The following GRM1 variants were observed in gnomAD, a reference collection of about 807,000 sequenced individuals.
GRM1 encodes the protein metabotropic glutamate receptor 1.
Under a neutral mutation model 90.9 loss-of-function variants are expected in GRM1, and 33 were observed. The ratio of observed to expected loss-of-function variants is 0.36; its 90% CI spans 0.28 to 0.49. GRM1 has a LOEUF of 0.49. Ranked by LOEUF, GRM1 falls within the 20% of genes least tolerant of loss-of-function variation. The pLI, the probability that GRM1 is intolerant of heterozygous loss-of-function variation, is 0.99. For synonymous variants in GRM1, 700 were observed against 613.2 expected, an observed-to-expected ratio of 1.14 and a Z score of -2.09; for missense variants, 1,190 against 1,534.3, an observed-to-expected ratio of 0.78 and a Z score of 3.75.
chr6:146,359,486 G>GT (rs1434622681), intron 5 of GRM1, among the ~76,000 whole-genome samples: 1 of 152,170 alleles, frequency 6.6e-6, no homozygotes, highest in Non-Finnish European at 1.5e-5. Context: ...CTGGGAAACA[G>GT]TTTTTGGAAC....
chr6:146,234,669 C>T (rs1288664662), intron 2 of GRM1, among the ~76,000 whole-genome samples: 1 of 151,844 alleles, frequency 6.6e-6, no homozygotes, highest in Admixed American at 6.6e-5. Context: ...AAATTCATTG[C>T]AACTATGTTT....
chr6:146,196,864 A>G (rs1205063983), intron 2 of GRM1, among the ~76,000 whole-genome samples: 2 of 152,190 alleles, frequency 1.3e-5, no homozygotes, highest in Non-Finnish European at 2.9e-5. Context: ...TCAATCAATC[A>G]TTTGTTAAGA....
chr6:146,356,086 G>C (rs538683876), intron 4 of GRM1, among the ~76,000 whole-genome samples: 1 of 152,282 alleles, frequency 6.6e-6, no homozygotes, highest in Non-Finnish European at 1.5e-5. Context: ...AAGAATGCCA[G>C]AGTTCCCATG....
Position 146,352,375 on chromosome 6 carries a change from C to T in GRM1, c.1312C>T (p.Leu438Phe). Reference protein sequence around the residue: ...HHALCPGHVGLCDAMKPIDGS... With the variant: ...HHALCPGHVGFCDAMKPIDGS... ...TGCCCTCTGCCCTGGCCACGTGGGC[C>T]TCTGCGATGCCATGAAGCCCATCGA... is the stretch of plus-strand genomic sequence containing the variant. Residue 438 changes from leucine (L) to phenylalanine (F), a missense_variant, in exon 4 of 8, where the codon CTC becomes TTC. Leu to Phe is a conservative substitution (Grantham distance 22). Transcript: ENST00000282753. The T allele has an allele frequency of 6.2e-7, 1 of 1,614,100 alleles. No homozygotes were observed. The highest frequency in any genetic ancestry group is 8.5e-7 in the Non-Finnish European group (1 of 1,179,932).
chr6:146,148,928 G>C (rs1777213794), intron 1 of GRM1, among the ~76,000 whole-genome samples: 1 of 152,174 alleles, frequency 6.6e-6, no homozygotes, highest in South Asian at 2.1e-4. Flanking sequence ...GGACAGGTGA[G>C]ATAGAATTGC....
chr6:146,071,273 C>A (rs1776009424), intron 1 of GRM1, among the ~76,000 whole-genome samples: 1 of 152,150 alleles, frequency 6.6e-6, no homozygotes, highest in Non-Finnish European at 1.5e-5. Flanking sequence ...TGCTATAGTG[C>A]ACTAGCACTA....
chr6:146,302,424 T>G (rs1783424071), intron 2 of GRM1, among the ~76,000 whole-genome samples: 1 of 151,024 alleles, frequency 6.6e-6, no homozygotes, highest in Non-Finnish European at 1.5e-5. Context: ...TAGGCTGGAG[T>G]GCAGTGGCAA....
intron 2 of GRM1, among the ~76,000 whole-genome samples, chr6:146,227,406 C>A (rs569366524): frequency 6.6e-6 from 1 of 152,146 alleles, no homozygotes; most frequent in African/African-American, 2.4e-5. Flanking sequence ...TCTTGGTATA[C>A]AATCTATGTG....
At chr6:146,162,431 A>G (rs1009040245) in intron 2 of GRM1, among the ~76,000 whole-genome samples, 1 of 152,198 alleles carries the variant, frequency 6.6e-6, no homozygotes, top group Non-Finnish European at 1.5e-5. Flanking sequence ...CCATCAAAAC[A>G]TATTCAGATG....
chr6:146,357,515 G>C lies in GRM1; in HGVS notation c.1434-11G>C. The C allele has an allele frequency of 6.2e-7, 1 of 1,605,184 alleles. No individual in the cohort carries two copies. The highest frequency in any genetic ancestry group is 1.1e-5 in the South Asian group (1 of 90,874). On this transcript the variant is annotated splice_polypyrimidine_tract_variant and intron_variant, in intron 4 of 7. Coordinates refer to ENST00000282753, the MANE Select transcript of GRM1 (RefSeq NM_001278064.2). ...ATATTCTATAAGACATGCACATTGT[G>C]CTCTTTGTAGGTATGATATCATGAA...
chr6:146,185,859 C>G (rs776138751), intron 2 of GRM1, among the ~76,000 whole-genome samples: 16 of 152,106 alleles, frequency 1.1e-4, no homozygotes, highest in Non-Finnish European at 1.5e-5. Context: ...GAGAGTAATA[C>G]CATTAAGCTC....
chr6:146,214,434 G>A (rs976755930), intron 2 of GRM1, among the ~76,000 whole-genome samples: 1 of 152,196 alleles, frequency 6.6e-6, no homozygotes, highest in African/African-American at 2.4e-5. Context: ...TTCAGGTAAG[G>A]TTGTCAGAGA....
At chr6:146,339,048 T>C (rs1784876995) in intron 3 of GRM1, among the ~76,000 whole-genome samples, 1 of 152,138 alleles carries the variant, frequency 6.6e-6, no homozygotes. Context: ...CAGCACAGAG[T>C]TAGACATATG....
At chr6:146,389,182 C>G (rs746869221) in intron 6 of GRM1, among the ~76,000 whole-genome samples, 1 of 152,026 alleles carries the variant, frequency 6.6e-6, no homozygotes, top group Non-Finnish European at 1.5e-5. Context: ...TCATTCCACT[C>G]ATCTGTTTGA....
intron 4 of GRM1, among the ~76,000 whole-genome samples, chr6:146,354,177 T>C (rs1408164564): frequency 6.6e-6 from 1 of 152,136 alleles, no homozygotes; most frequent in Non-Finnish European, 1.5e-5. Context: ...TGGGAGCAGG[T>C]TTTGACTGGA....
At chr6:146,137,303 T>C (rs148137279) in intron 1 of GRM1, among the ~76,000 whole-genome samples, 66 of 152,336 alleles carry the variant, frequency 4.3e-4, no homozygotes, top group African/African-American at 1.0e-3. Flanking sequence ...TTTGAGGTCT[T>C]AGATTTAACT....
intron 3 of GRM1, among the ~76,000 whole-genome samples, chr6:146,319,132 A>T (rs1156413575): frequency 6.6e-6 from 1 of 152,116 alleles, no homozygotes; most frequent in Non-Finnish European, 1.5e-5. Flanking sequence ...TTCAGGTCTT[A>T]CATTTAGAGT....
chr6:146,065,688 C>A (rs760748609), intron 1 of GRM1, among the ~76,000 whole-genome samples: 1 of 151,954 alleles, frequency 6.6e-6, no homozygotes, highest in Non-Finnish European at 1.5e-5. Context: ...TCCTGATCCA[C>A]GTGGAATGAG....
rs1403618489 is a variant in GRM1, at chr6:146,159,458, G to T, written c.811G>T (p.Asp271Tyr). Residue 271 changes from aspartate to tyrosine, a missense_variant, in exon 2 of 8, where the codon GAC (aspartate) becomes TAC (tyrosine). This residue lies in a region of GRM1 where 45 missense variants were observed against 45.5 expected (regional missense o/e 0.99). Coordinates refer to ENST00000282753, the MANE Select transcript of GRM1 (RefSeq NM_001278064.2). ...IYSNAGEKSFDRLLRKLRERL... is the reference protein window; with the variant it reads ...IYSNAGEKSFYRLLRKLRERL... ...CAGCAACGCTGGGGAGAAGAGCTTT[G>T]ACCGACTCTTGCGCAAACTCCGAGA... is the stretch of plus-strand genomic sequence containing the variant. 6.2e-7 allele frequency: 1 copy of T among 1,614,208 alleles called. No homozygotes were observed.
Sources: allele counts gnomAD v4.1 joint callset (sites outside exome capture counted in the v4.1 genomes callset), GRCh38; gene constraint gnomAD v4.1.1; regional missense constraint gnomAD v4.1.1; transcripts MANE v1.5; gene names NCBI Gene and HGNC (gene_info 2026-07-23, HGNC 2026-07-21).